Variants in LAMB4 observed in about 807,000 individuals in gnomAD.
LAMB4 encodes laminin subunit beta 4, also known as laminin subunit beta-4.
A neutral mutation model predicts 199.2 loss-of-function variants in LAMB4; 196 were observed. The ratio of observed to expected loss-of-function variants is 0.98; its 90% CI spans 0.88 to 1.11. The LOEUF (loss-of-function observed/expected upper bound fraction) is 1.11. Among genes scored for constraint, LAMB4 ranks in the 50% least tolerant of loss-of-function variants. The pLI is 0.00. For missense variants in LAMB4, 2,080 were observed against 2,171.2 expected, an observed-to-expected ratio of 0.96 and a Z score of 0.83; for synonymous variants, 744 against 770.6, an observed-to-expected ratio of 0.97 and a Z score of 0.57.
At chr7:108,113,711 T>A (rs1316411336) in intron 3 of LAMB4, among the ~76,000 whole-genome samples, 1 of 152,214 alleles carries the variant, frequency 6.6e-6, no homozygotes, top group East Asian at 1.9e-4. Flanking sequence ...TAATCTTTGA[T>A]GAGGTTGGCT....
At chr7:108,065,672 C>T (rs2036310052) in intron 21 of LAMB4, 90 bp downstream of exon 21, 4 of 1,096,958 alleles carry the variant, frequency 3.6e-6, no homozygotes, top group East Asian at 2.5e-5. Context: ...CACATTTGTC[C>T]AAGACAGATA....
intron 17 of LAMB4, among the ~76,000 whole-genome samples, chr7:108,075,032 C>A (rs973529677): frequency 1.3e-5 from 2 of 152,172 alleles, no homozygotes; most frequent in Admixed American, 1.3e-4. Context: ...TCTGGGACTT[C>A]ATTAGTTTCT....
Position 108,066,507 on chromosome 7 carries a change from CA to C in LAMB4, c.2539del (p.Cys847ValfsTer90). On this transcript the variant is annotated frameshift_variant, in exon 20 of 34. Transcript: ENST00000388781. LOFTEE classifies it high-confidence loss of function. ...AAAGTAGCCTGCCAGGCAGCGATCA[CA>C]GCGGCGGCCAGACACCTCTCCATGG... ...PCHGEVSGRR[C>X]DRCLAGYFGF... 1 of 1,614,106 alleles carries C rather than the reference CA, an allele frequency of 6.2e-7. No individual in the cohort carries two copies. The highest frequency in any genetic ancestry group is 1.3e-5 in the African/African-American group (1 of 75,048).
chr7:108,074,361 T>C (rs1314323616), intron 17 of LAMB4, among the ~76,000 whole-genome samples: 1 of 152,138 alleles, frequency 6.6e-6, no homozygotes, highest in East Asian at 1.9e-4. Context: ...GAATGCAATA[T>C]TTTATTTTAT....
rs2036357415 is a variant in LAMB4, at chr7:108,066,719, A to G, written c.2447-119T>C. On this transcript the variant is annotated intron_variant, in intron 19 of 33. Transcript: ENST00000388781. ...TCCCAGTGAACTAAGCAAGCCTGTA[A>G]CGTGCTTAGGACACAGCATATAATG... The G allele has an allele frequency of 6.1e-6, 4 of 656,070 alleles. No homozygotes were observed. The South Asian group carries it at 7.3e-5, about 12-fold the overall frequency. The allele number at this position is 656,070 out of a possible 1,614,324, so 40.6% of individuals were successfully genotyped here. A position where few individuals can be genotyped will look rare whatever the true frequency, so the allele number is the denominator to read the frequency against.
rs953142682 is a variant in LAMB4, at chr7:108,024,014, A to G, written c.*25T>C. On this transcript the variant is annotated 3_prime_UTR_variant, in exon 34 of 34. Transcript: ENST00000388781. ...TACATCAGAAACCAGAAACAAAGGC[A>G]CAAGCTTTTGCTCTTTAACTCTGCC... The G allele has an allele frequency of 7.6e-6, 12 of 1,578,698 alleles. No individual in the cohort carries two copies. The Admixed American group carries it at 2.1e-4, about 28-fold the overall frequency.
At chr7:108,080,940 G>T (rs970326815) in intron 14 of LAMB4, among the ~76,000 whole-genome samples, 2 of 152,010 alleles carry the variant, frequency 1.3e-5, no homozygotes, top group African/African-American at 4.8e-5. Flanking sequence ...TGGCCAACAT[G>T]GTGAAATCCC....
rs761321237 is a variant in LAMB4 at position 108,092,424 on chromosome 7, G to A, written c.1471-8C>T. 4 of 1,609,940 alleles carry A rather than the reference G, an allele frequency of 2.5e-6. No individual in the cohort carries two copies. Among genetic ancestry groups the A allele is most frequent in the Non-Finnish European group, 3.4e-6 (4 of 1,176,308 alleles). On this transcript the variant is annotated splice_polypyrimidine_tract_variant and splice_region_variant and intron_variant, in intron 12 of 33. Coordinates refer to ENST00000388781, the MANE Select transcript of LAMB4 (RefSeq NM_007356.3). Reference sequence around the variant, plus strand: ...CAGGCCCCAGTATCCAACCTACAGAGAAAAAATGCTCAGCTGATTCCAGCT... The same window carrying A: ...CAGGCCCCAGTATCCAACCTACAGAAAAAAAATGCTCAGCTGATTCCAGCT...
chr7:108,062,683 TA>T, intron 23 of LAMB4, 90 bp downstream of exon 23: 1 of 696,928 alleles, frequency 1.4e-6, no homozygotes, highest in Non-Finnish European at 2.1e-6. Flanking sequence ...TTAACAACAG[TA>T]CATAAAAGAA....
At chr7:108,044,974 AG>A (rs771654809) in intron 28 of LAMB4, among the ~76,000 whole-genome samples, 4,117 of 139,412 alleles carry the variant, frequency 0.03, 267 homozygotes, top group African/African-American at 0.12. Context: ...AAAAAAAAAA[AG>A]AAAAGAAAAG....
At chr7:108,076,792 G>T in intron 17 of LAMB4, 152 bp downstream of exon 17, 1 of 782,998 alleles carries the variant, frequency 1.3e-6, no homozygotes, top group Non-Finnish European at 2.1e-6. Context: ...GGGACATACT[G>T]TTAAATAAGA....
At chr7:108,092,562 G>T (rs1293238873) in intron 12 of LAMB4, 146 bp from the exon 13 acceptor site, 1 of 667,082 alleles carries the variant, frequency 1.5e-6, no homozygotes, top group Non-Finnish European at 2.7e-6. Flanking sequence ...TGGCCTATGC[G>T]CTTGGCTAAT....
At chr7:108,017,151 T>A in the LAMB4 span, among the ~76,000 whole-genome samples, 1 of 152,212 alleles carries the variant, frequency 6.6e-6, no homozygotes, top group Non-Finnish European at 1.5e-5. Context: ...AAGCTTACTT[T>A]GTATCACTGA....
intron 3 of LAMB4, among the ~76,000 whole-genome samples, chr7:108,114,738 T>G (rs555638566): frequency 6.6e-6 from 1 of 152,244 alleles, no homozygotes; most frequent in Non-Finnish European, 1.5e-5. Flanking sequence ...ATTAGGCTTA[T>G]GTCCAACTTC....
the LAMB4 span, among the ~76,000 whole-genome samples, chr7:108,011,880 T>C: frequency 6.6e-6 from 1 of 151,556 alleles, no homozygotes; most frequent in Non-Finnish European, 1.5e-5. Flanking sequence ...TATAAACATA[T>C]ATATATATAT....
At chr7:108,126,554 C>CTTTTTTTTTT (rs71137605) in intron 1 of LAMB4, among the ~76,000 whole-genome samples, 5,635 of 83,420 alleles carry the variant, frequency 0.068, 197 homozygotes, top group Middle Eastern at 0.086. Context: ...GAATTTCTTT[C>CTTTTTTTTTT]TTTTTTTTTT....
rs990257964 is a variant in LAMB4 at position 108,023,614 on chromosome 7, T to A, written c.*425A>T. The A allele has an allele frequency of 2.0e-5, 3 of 152,520 alleles. No homozygotes were observed. The highest frequency in any genetic ancestry group is 7.2e-5 in the African/African-American group (3 of 41,472). 9.4% of individuals were successfully genotyped at this position (152,520 alleles called of 1,614,324 possible). On this transcript the variant is annotated 3_prime_UTR_variant, in exon 34 of 34. Coordinates refer to ENST00000388781, the MANE Select transcript of LAMB4 (RefSeq NM_007356.3). ...TTTTACAAATAAAAGCAAATCCAAA[T>A]AAACATAAAATATAGGACAATCTAG...
At chr7:108,072,175 G>A (rs2150565527) in intron 17 of LAMB4, among the ~76,000 whole-genome samples, 1 of 152,212 alleles carries the variant, frequency 6.6e-6, no homozygotes, top group South Asian at 2.1e-4. Context: ...ATTCATGAAG[G>A]AGAAAACCCT....
downstream of LAMB4, among the ~76,000 whole-genome samples, chr7:108,020,184 A>G (rs1378538152): frequency 6.6e-6 from 1 of 151,954 alleles, no homozygotes; most frequent in Non-Finnish European, 1.5e-5. Flanking sequence ...TTTTCAGTCA[A>G]CTCGAATTAA....
Sources: allele counts gnomAD v4.1 joint callset (sites outside exome capture counted in the v4.1 genomes callset), GRCh38; gene constraint gnomAD v4.1.1; transcripts MANE v1.5; gene names NCBI Gene and HGNC (gene_info 2026-07-23, HGNC 2026-07-21).